Variants in BTBD9 observed in about 807,000 individuals in gnomAD.
The protein encoded by BTBD9 is BTB/POZ domain-containing protein 9.
BTBD9 carries 49 observed loss-of-function variants against 64.3 expected under a neutral mutation model. The ratio of observed to expected loss-of-function variants is 0.76; its 90% CI spans 0.61 to 0.97. The LOEUF (loss-of-function observed/expected upper bound fraction) is 0.97, where lower values mean the gene tolerates loss of function less well. Among genes scored for constraint, BTBD9 ranks in the 50% least tolerant of loss-of-function variants. The probability of loss-of-function intolerance (pLI) is 0.00; values close to 1 mark genes in which losing one functional copy is unlikely to be tolerated. For synonymous variants in BTBD9, 260 were observed against 274.7 expected, an observed-to-expected ratio of 0.95 and a Z score of 0.53; for missense variants, 598 against 762.1, an observed-to-expected ratio of 0.78 and a Z score of 2.53.
intron 10 of BTBD9, chr6:38,179,623 C>T (rs1432370777): frequency 4.4e-6 from 2 of 456,650 alleles, no homozygotes; most frequent in African/African-American, 2.0e-5. Context: ...GGCAGAGGCA[C>T]CTCTGTGCAG....
intron 6 of BTBD9, among the ~76,000 whole-genome samples, chr6:38,464,891 A>C (rs1010121378): frequency 6.6e-6 from 1 of 152,148 alleles, no homozygotes; most frequent in African/African-American, 2.4e-5. Context: ...CTTCTGTTCA[A>C]TTTTTCTAGA....
chr6:38,258,477 T>C lies in BTBD9; in HGVS notation c.1455-1961A>G, dbSNP rs1435191069. On this transcript the variant is annotated intron_variant, in intron 8 of 10. Coordinates refer to ENST00000481247, the MANE Select transcript of BTBD9 (RefSeq NM_001099272.2). ...TGCTTCTTCTACCAGCTGGCATAGA[T>C]AGTGAGCTCCTTGAAGGCAGTGTCT... Among the ~76,000 whole-genome samples, 4 of 152,234 alleles carry C rather than the reference T, an allele frequency of 2.6e-5. No individual in the cohort carries two copies. In the East Asian group the frequency reaches 5.8e-4, roughly 22 times the overall value.
intron 6 of BTBD9, among the ~76,000 whole-genome samples, chr6:38,460,099 A>C (rs1224412970): frequency 6.6e-6 from 1 of 152,214 alleles, no homozygotes; most frequent in Non-Finnish European, 1.5e-5. Context: ...TCGGGGAGAT[A>C]ATCTGTTTGC....
chr6:38,374,293 ATATG>A (rs1483132330), intron 6 of BTBD9, among the ~76,000 whole-genome samples: 1 of 75,014 alleles, frequency 1.3e-5, no homozygotes, highest in Non-Finnish European at 2.2e-5. Flanking sequence ...GTATATATAT[ATATG>A]TATATATATG....
intron 1 of BTBD9, among the ~76,000 whole-genome samples, chr6:38,603,703 G>C (rs1209996502): frequency 6.6e-6 from 1 of 152,222 alleles, no homozygotes; most frequent in East Asian, 1.9e-4. Flanking sequence ...AACACTGTAT[G>C]AATCTCCCCT....
chr6:38,621,490 A>G (rs1225450122), intron 1 of BTBD9, among the ~76,000 whole-genome samples: 1 of 152,246 alleles, frequency 6.6e-6, no homozygotes, highest in Non-Finnish European at 1.5e-5. Context: ...AGGTTATGCC[A>G]TAGTTAGTGA....
At chr6:38,362,600 G>A (rs565027537) in intron 6 of BTBD9, among the ~76,000 whole-genome samples, 2 of 152,298 alleles carry the variant, frequency 1.3e-5, no homozygotes, top group African/African-American at 4.8e-5. Flanking sequence ...AGTATGAAAC[G>A]TGATGCTTAA....
chr6:38,414,213 G>T (rs923772403), intron 6 of BTBD9, among the ~76,000 whole-genome samples: 3 of 152,146 alleles, frequency 2.0e-5, no homozygotes, highest in Non-Finnish European at 4.4e-5. Flanking sequence ...TGCTTGTGAA[G>T]GTGCTTATTT....
chr6:38,354,919 G>A (rs1764659788), intron 6 of BTBD9, among the ~76,000 whole-genome samples: 1 of 148,472 alleles, frequency 6.7e-6, no homozygotes, highest in South Asian at 2.1e-4. Context: ...CAGAGAGAAA[G>A]AGAGAGAGAG....
At chr6:38,409,023 G>A (rs1001479416) in intron 6 of BTBD9, among the ~76,000 whole-genome samples, 4 of 152,236 alleles carry the variant, frequency 2.6e-5, no homozygotes, top group Non-Finnish European at 5.9e-5. Flanking sequence ...GCCGAGGCAG[G>A]TGGATCACTT....
intron 9 of BTBD9, among the ~76,000 whole-genome samples, chr6:38,204,888 A>G (rs1298715563): frequency 6.6e-6 from 1 of 152,212 alleles, no homozygotes; most frequent in Non-Finnish European, 1.5e-5. Flanking sequence ...GCATTATTAC[A>G]TCTTTGAAAT....
At chr6:38,400,861 TAA>T (rs1308445204) in intron 6 of BTBD9, among the ~76,000 whole-genome samples, 7 of 152,240 alleles carry the variant, frequency 4.6e-5, no homozygotes, top group Non-Finnish European at 1.5e-5. Flanking sequence ...ACTATTTATT[TAA>T]GTTTCATCAT....
chr6:38,488,894 CTTTT>C (rs66933448), intron 6 of BTBD9, among the ~76,000 whole-genome samples: 2 of 132,794 alleles, frequency 1.5e-5, no homozygotes. Flanking sequence ...TTCCTTGCAA[CTTTT>C]TTTTTTTTTT....
At position 38,426,264 on chromosome 6, in the gene BTBD9, A is replaced by G. The variant is rs577184587; in HGVS notation, c.1155-81171T>C. Among the ~76,000 whole-genome samples, 33 of 152,054 alleles carry G rather than the reference A, an allele frequency of 2.2e-4. No individual in the cohort carries two copies. In the Middle Eastern group the frequency reaches 0.01, roughly 47 times the overall value. ...TTGCAACTCAGCTCACACCCAACCA[A>G]TCAGAGAGCTCACTAAAATGCTAAT... is the stretch of plus-strand genomic sequence containing the variant. On this transcript the variant is annotated intron_variant, in intron 6 of 10. Coordinates refer to ENST00000481247, the MANE Select transcript of BTBD9 (RefSeq NM_001099272.2).
At chr6:38,535,317 C>A (rs1207427851) in intron 6 of BTBD9, among the ~76,000 whole-genome samples, 1 of 151,876 alleles carries the variant, frequency 6.6e-6, no homozygotes, top group Non-Finnish European at 1.5e-5. Flanking sequence ...AAGATCTCTA[C>A]AATGAAAACT....
intron 6 of BTBD9, among the ~76,000 whole-genome samples, chr6:38,397,641 G>A (rs976620061): frequency 2.0e-5 from 3 of 152,222 alleles, no homozygotes; most frequent in Non-Finnish European, 2.9e-5. Flanking sequence ...AGATGAAGAC[G>A]TGTTATTAAC....
intron 7 of BTBD9, among the ~76,000 whole-genome samples, chr6:38,339,660 AAG>A (rs1372246278): frequency 6.6e-6 from 1 of 152,196 alleles, no homozygotes; most frequent in African/African-American, 2.4e-5. Flanking sequence ...GGAGGAAAAA[AAG>A]AGATTACTTA....
intron 7 of BTBD9, among the ~76,000 whole-genome samples, chr6:38,292,551 T>G (rs1762001755): frequency 6.6e-6 from 1 of 152,122 alleles, no homozygotes; most frequent in Admixed American, 6.6e-5. Context: ...CTTGGGAGGG[T>G]GTATGTGTCC....
intron 7 of BTBD9, among the ~76,000 whole-genome samples, chr6:38,344,197 T>TG (rs879330593): frequency 6.6e-6 from 1 of 151,442 alleles, no homozygotes; most frequent in Non-Finnish European, 1.5e-5. Context: ...CCTATGGGCA[T>TG]GGGGGAAAAA....
Sources: gnomAD v4.1 joint callset for allele counts (sites outside exome capture counted in the v4.1 genomes callset) on GRCh38, gnomAD v4.1.1 for gene constraint, MANE v1.5 for transcripts, NCBI Gene and HGNC (gene_info 2026-07-23, HGNC 2026-07-21) for gene names.